Variants in ZDHHC14 observed in about 807,000 individuals in gnomAD.
ZDHHC14 encodes zDHHC palmitoyltransferase 14, also known as palmitoyltransferase ZDHHC14.
Under a neutral mutation model 47.7 loss-of-function variants are expected in ZDHHC14, and 16 were observed. The observed-to-expected ratio is 0.34, with a 90% confidence interval of 0.23 to 0.51. ZDHHC14 has a LOEUF of 0.51. Ranked by LOEUF, ZDHHC14 falls within the 20% of genes least tolerant of loss-of-function variation. The pLI is 0.97. For missense variants in ZDHHC14, 515 were observed against 662.5 expected (o/e 0.78, Z 2.44); for synonymous variants, 293 against 278.9 (o/e 1.05, Z -0.50).
intron 1 of ZDHHC14, among the ~76,000 whole-genome samples, chr6:157,442,713 A>G (rs1778585290): frequency 6.6e-6 from 1 of 152,344 alleles, no homozygotes; most frequent in East Asian, 1.9e-4. Flanking sequence ...AGGTGGCCCA[A>G]GTCTGAAGCC....
intron 1 of ZDHHC14, among the ~76,000 whole-genome samples, chr6:157,528,185 C>G (rs1162765313): frequency 6.6e-6 from 1 of 152,136 alleles, no homozygotes; most frequent in East Asian, 1.9e-4. Context: ...CATTATTTTG[C>G]CTTTTGCCCT....
At chr6:157,468,380 T>C (rs1779272640) in intron 1 of ZDHHC14, among the ~76,000 whole-genome samples, 1 of 152,222 alleles carries the variant, frequency 6.6e-6, no homozygotes, top group South Asian at 2.1e-4. Flanking sequence ...CATCCTTCTG[T>C]TGTTAAAGGG....
chr6:157,454,150 G>T (rs1778862920), intron 1 of ZDHHC14, among the ~76,000 whole-genome samples: 1 of 152,212 alleles, frequency 6.6e-6, no homozygotes, highest in Non-Finnish European at 1.5e-5. Context: ...CATCCCTTTG[G>T]TTATCTCATA....
intron 3 of ZDHHC14, among the ~76,000 whole-genome samples, chr6:157,616,856 T>G (rs1479590797): frequency 6.6e-6 from 1 of 152,114 alleles, no homozygotes; most frequent in Admixed American, 6.5e-5. Context: ...CAAATCGGGA[T>G]GGTCAGGACT....
chr6:157,468,230 A>G (rs752828326), intron 1 of ZDHHC14, among the ~76,000 whole-genome samples: 5 of 152,208 alleles, frequency 3.3e-5, no homozygotes, highest in East Asian at 1.9e-4. Context: ...TTTGGCTTCC[A>G]TCAGCCCCTC....
rs548623336 is a variant in ZDHHC14, at chr6:157,571,776, A to ATTT, written c.407-21193_407-21191dup. On this transcript the variant is annotated intron_variant, in intron 2 of 8. Transcript: ENST00000359775. ...GAATCTTCAGGAATGAGGAATCTGTATTTTTTTTTTTTTTTTTTTTTGAGC... is the reference window on the plus strand; with the variant it reads ...GAATCTTCAGGAATGAGGAATCTGTATTTTTTTTTTTTTTTTTTTTTTTTGAGC... 2.7e-3 allele frequency among the ~76,000 whole-genome samples: 326 copies of ATTT among 122,414 alleles called. 5 individuals carry two copies. The highest frequency in any genetic ancestry group is 8.3e-3 in the African/African-American group (265 of 31,930). The allele number at this position is 122,414 out of a possible 152,430, so 80.3% of individuals were successfully genotyped here.
chr6:157,466,473 A>G (rs1372102165), intron 1 of ZDHHC14, among the ~76,000 whole-genome samples: 2 of 152,246 alleles, frequency 1.3e-5, no homozygotes, highest in Non-Finnish European at 2.9e-5. Flanking sequence ...CAGAAATCAA[A>G]TATGTGTTAT....
At chr6:157,542,498 A>G in intron 1 of ZDHHC14, 87 bp from the exon 2 acceptor site, 1 of 1,465,458 alleles carries the variant, frequency 6.8e-7, no homozygotes. Context: ...TTGATTTCTT[A>G]GAAGATAAAG....
At chr6:157,425,534 G>A (rs771003757) in intron 1 of ZDHHC14, among the ~76,000 whole-genome samples, 6 of 152,106 alleles carry the variant, frequency 3.9e-5, no homozygotes, top group Non-Finnish European at 7.3e-5. Context: ...AGTGAAATGC[G>A]ACTAGTGTTC....
At chr6:157,448,035 C>T (rs1778721862) in intron 1 of ZDHHC14, among the ~76,000 whole-genome samples, 1 of 151,148 alleles carries the variant, frequency 6.6e-6, no homozygotes, top group Non-Finnish European at 1.5e-5. Context: ...CCACACCTGG[C>T]TACTTTATTT....
chr6:157,499,779 C>T (rs1780153730), intron 1 of ZDHHC14, among the ~76,000 whole-genome samples: 1 of 152,236 alleles, frequency 6.6e-6, no homozygotes, highest in African/African-American at 2.4e-5. Flanking sequence ...AAATATTTCA[C>T]TTGAAGAAGT....
At chr6:157,404,415 G>A (rs1455583261) in intron 1 of ZDHHC14, among the ~76,000 whole-genome samples, 1 of 152,158 alleles carries the variant, frequency 6.6e-6, no homozygotes, top group African/African-American at 2.4e-5. Context: ...GATTACAGGT[G>A]TGAGCCACTG....
intron 3 of ZDHHC14, among the ~76,000 whole-genome samples, chr6:157,597,116 C>T (rs1167770776): frequency 1.3e-5 from 2 of 152,160 alleles, no homozygotes; most frequent in Non-Finnish European, 2.9e-5. Context: ...CGCAGCATTT[C>T]GGGTTGTTTA....
chr6:157,606,231 G>A (rs185772328), intron 3 of ZDHHC14, among the ~76,000 whole-genome samples: 39 of 152,204 alleles, frequency 2.6e-4, no homozygotes, highest in African/African-American at 9.2e-4. Flanking sequence ...TTGGGAGGCC[G>A]AGGTGGGTGG....
intron 1 of ZDHHC14, among the ~76,000 whole-genome samples, chr6:157,470,985 C>T (rs1247669216): frequency 6.6e-6 from 1 of 152,170 alleles, no homozygotes; most frequent in Non-Finnish European, 1.5e-5. Flanking sequence ...GGTGGAGCAA[C>T]CGGTCAGTCG....
rs1784630260 is a variant in ZDHHC14 at position 157,608,503 on chromosome 6, C to A, written c.565+15357C>A. Among the ~76,000 whole-genome samples the A allele has an allele frequency of 3.9e-5, 6 of 152,166 alleles. No individual in the cohort carries two copies. In the South Asian group the frequency reaches 1.2e-3, roughly 32 times the overall value. On this transcript the variant is annotated intron_variant, in intron 3 of 8. Coordinates refer to ENST00000359775, the MANE Select transcript of ZDHHC14 (RefSeq NM_024630.3). The stretch of plus-strand genomic sequence containing the variant: ...CCCATCTGGGCTGAGCTCTGGTCAG[C>A]CAGGCACAGAGAGGAGAGCTAGCAA...
At chr6:157,666,141 CTT>C (rs1778546760) in intron 8 of ZDHHC14, among the ~76,000 whole-genome samples, 3 of 152,200 alleles carry the variant, frequency 2.0e-5, no homozygotes, top group Non-Finnish European at 2.9e-5. Context: ...AATAATTTAA[CTT>C]TTGTATAGCA....
intron 3 of ZDHHC14, among the ~76,000 whole-genome samples, chr6:157,609,139 C>T (rs550113911): frequency 5.8e-4 from 88 of 152,308 alleles, no homozygotes; most frequent in Non-Finnish European, 1.8e-4. Context: ...GTGTAACTAC[C>T]TGGACCCCTT....
chr6:157,463,385 A>G lies in ZDHHC14; in HGVS notation c.246-79200A>G, dbSNP rs1779140289. On this transcript the variant is annotated intron_variant, in intron 1 of 8. Transcript: ENST00000359775. The surrounding 1 kb of genome is among the most constrained non-coding windows in gnomAD (Gnocchi z 4.4). ...CACATTCTCTTTTCCTGCCTATTCT[A>G]ATGAGCTATTATTATTATTTTAAGA... Among the ~76,000 whole-genome samples, 1 of 152,158 alleles carries G rather than the reference A, an allele frequency of 6.6e-6. No homozygotes were observed. Among genetic ancestry groups the G allele is most frequent in the African/African-American group, 2.4e-5 (1 of 41,424 alleles).
Sources: allele counts gnomAD v4.1 joint callset (sites outside exome capture counted in the v4.1 genomes callset), GRCh38; gene constraint gnomAD v4.1.1; non-coding constraint Gnocchi (gnomAD v3.1); transcripts MANE v1.5; gene names NCBI Gene and HGNC (gene_info 2026-07-23, HGNC 2026-07-21).